SMCO4: variants seen among roughly 807,000 people sequenced by gnomAD.
SMCO4 encodes the protein single-pass membrane and coiled-coil domain-containing protein 4.
SMCO4 carries 4 observed loss-of-function variants against 3.6 expected under a neutral mutation model. The ratio of observed to expected loss-of-function variants is 1.11; its 90% confidence interval spans 0.54 to 2.53. The LOEUF (loss-of-function observed/expected upper bound fraction) is 2.53. Among genes scored for constraint, SMCO4 ranks in the 30% most tolerant of loss-of-function variants. SMCO4 has a pLI of 0.02. For missense variants in SMCO4, 70 were observed against 80.8 expected, an observed-to-expected ratio of 0.87 and a Z score of 0.51; for synonymous variants, 36 against 35.3, an observed-to-expected ratio of 1.02 and a Z score of -0.07.
At chr11:93,536,521 T>G (rs1414403130) in intron 1 of SMCO4, among the ~76,000 whole-genome samples, 1 of 152,128 alleles carries the variant, frequency 6.6e-6, no homozygotes, top group South Asian at 2.1e-4. Flanking sequence ...GAAAATATAC[T>G]ATGTGAAAAA....
At chr11:93,493,436 T>C (rs557290098) in intron 2 of SMCO4, among the ~76,000 whole-genome samples, 22 of 152,212 alleles carry the variant, frequency 1.4e-4, no homozygotes, top group Non-Finnish European at 3.2e-4. Context: ...GTGTTGACTC[T>C]AGAATCTGTA....
chr11:93,518,828 C>T (rs1194908098), intron 1 of SMCO4, among the ~76,000 whole-genome samples: 1 of 152,200 alleles, frequency 6.6e-6, no homozygotes, highest in Non-Finnish European at 1.5e-5. Flanking sequence ...GGCTATAAGA[C>T]TTTTCAACCA....
intron 1 of SMCO4, among the ~76,000 whole-genome samples, chr11:93,523,648 G>C (rs762357785): frequency 2.6e-5 from 4 of 152,218 alleles, no homozygotes; most frequent in Non-Finnish European, 4.4e-5. Context: ...AACAGAGCAA[G>C]ACCCCGCAAG....
chr11:93,498,078 G>A (rs1948795342), intron 2 of SMCO4, among the ~76,000 whole-genome samples: 1 of 151,990 alleles, frequency 6.6e-6, no homozygotes, highest in Non-Finnish European at 1.5e-5. Context: ...TTGATAACAG[G>A]ATATACATAT....
intron 1 of SMCO4, among the ~76,000 whole-genome samples, chr11:93,520,139 C>G (rs967691597): frequency 6.6e-6 from 1 of 152,148 alleles, no homozygotes; most frequent in Non-Finnish European, 1.5e-5. Context: ...TGGGGCAGAA[C>G]GTTTGTACTA....
At chr11:93,534,375 T>TATATATATAGAGAGAG (rs369643237) in intron 1 of SMCO4, among the ~76,000 whole-genome samples, 8 of 142,132 alleles carry the variant, frequency 5.6e-5, no homozygotes, top group African/African-American at 1.8e-4. Context: ...TATATATATA[T>TATATATATAGAGAGAG]AGAGAGAGAG....
At chr11:93,487,523 G>A (rs544848096) in intron 2 of SMCO4, among the ~76,000 whole-genome samples, 32 of 152,150 alleles carry the variant, frequency 2.1e-4, no homozygotes, top group Non-Finnish European at 3.4e-4. Context: ...GAAAAAATAA[G>A]AAAATGTTAT....
At position 93,518,028 on chromosome 11, in the gene SMCO4, C is replaced by T. The variant is rs1949023625; in HGVS notation, c.-153-18680G>A. On this transcript the variant is annotated intron_variant, in intron 1 of 2. Transcript: ENST00000298966. Reference sequence around the variant, plus strand: ...AGACATTCACAATGTTGTGCAACTGCCACCTCTATCTAGTTTCAAAACATT... The same window carrying T: ...AGACATTCACAATGTTGTGCAACTGTCACCTCTATCTAGTTTCAAAACATT... Among the ~76,000 whole-genome samples the T allele has an allele frequency of 2.0e-5, 3 of 152,340 alleles. No homozygotes were observed. In the East Asian group the frequency reaches 5.8e-4, roughly 29 times the overall value.
intron 1 of SMCO4, among the ~76,000 whole-genome samples, chr11:93,539,383 G>A (rs996948729): frequency 2.6e-5 from 4 of 152,264 alleles, no homozygotes; most frequent in South Asian, 4.1e-4. Flanking sequence ...GTAGGAGGAC[G>A]GAAGGAACAG....
chr11:93,508,479 A>T (rs1473464804), intron 1 of SMCO4, among the ~76,000 whole-genome samples: 3 of 152,232 alleles, frequency 2.0e-5, no homozygotes, highest in African/African-American at 7.2e-5. Flanking sequence ...TCTATAAAAG[A>T]GCAGGAAGAG....
intron 1 of SMCO4, among the ~76,000 whole-genome samples, chr11:93,530,342 C>T (rs573973550): frequency 4.2e-4 from 64 of 152,188 alleles, no homozygotes; most frequent in African/African-American, 1.4e-3. Context: ...CTCTCTTCTT[C>T]GTGTTTGTGG....
At chr11:93,536,949 A>G (rs1400909069) in intron 1 of SMCO4, among the ~76,000 whole-genome samples, 2 of 152,198 alleles carry the variant, frequency 1.3e-5, no homozygotes, top group African/African-American at 4.8e-5. Context: ...CTGATGACAG[A>G]CTGAATTGGG....
At chr11:93,496,851 C>T (rs1400492037) in intron 2 of SMCO4, among the ~76,000 whole-genome samples, 1 of 152,194 alleles carries the variant, frequency 6.6e-6, no homozygotes, top group Non-Finnish European at 1.5e-5. Context: ...GCAGATTTCT[C>T]GATACTGATG....
intron 1 of SMCO4, among the ~76,000 whole-genome samples, chr11:93,527,110 C>A (rs925457744): frequency 6.6e-6 from 1 of 152,230 alleles, no homozygotes; most frequent in South Asian, 2.1e-4. Context: ...CACCCTAAAT[C>A]GGGCTGACCA....
upstream of SMCO4, among the ~76,000 whole-genome samples, chr11:93,546,250 G>A (rs550888945): frequency 1.3e-5 from 2 of 152,332 alleles, no homozygotes; most frequent in East Asian, 3.9e-4. Context: ...GCTTAGCAGA[G>A]CATCACACTT....
At chr11:93,502,316 C>T (rs1948848516) in intron 1 of SMCO4, among the ~76,000 whole-genome samples, 1 of 152,140 alleles carries the variant, frequency 6.6e-6, no homozygotes, top group African/African-American at 2.4e-5. Context: ...AACCTTTCCC[C>T]CAACAGCCCT....
At chr11:93,551,252 C>A in the SMCO4 span, among the ~76,000 whole-genome samples, 1 of 152,086 alleles carries the variant, frequency 6.6e-6, no homozygotes, top group African/African-American at 2.4e-5. Context: ...ATAAAGAGAA[C>A]AAGTTTTATA....
chr11:93,522,468 C>T (rs1295747675), intron 1 of SMCO4, among the ~76,000 whole-genome samples: 5 of 152,210 alleles, frequency 3.3e-5, no homozygotes, highest in African/African-American at 1.2e-4. Flanking sequence ...CAACACAAGA[C>T]CTGTGGTAGC....
intron 1 of SMCO4, among the ~76,000 whole-genome samples, chr11:93,520,905 G>C (rs1221789851): frequency 6.6e-6 from 1 of 152,222 alleles, no homozygotes; most frequent in Non-Finnish European, 1.5e-5. Context: ...GCTAGGCTCA[G>C]TGAGTGATTT....
Sources: allele counts gnomAD v4.1 joint callset (sites outside exome capture counted in the v4.1 genomes callset), GRCh38; gene constraint gnomAD v4.1.1; transcripts MANE v1.5; gene names NCBI Gene and HGNC (gene_info 2026-07-23, HGNC 2026-07-21).